The following OR10H1 variants were observed in gnomAD, a reference collection of about 807,000 sequenced individuals.
The protein encoded by OR10H1 is olfactory receptor 10H1.
A neutral mutation model predicts 13.1 loss-of-function variants in OR10H1; 12 were observed. The observed-to-expected ratio is 0.92, with a 90% CI of 0.59 to 1.48. OR10H1 has a LOEUF of 1.48. Among genes scored for constraint, OR10H1 ranks in the 40% most tolerant of loss-of-function variants. The probability of loss-of-function intolerance (pLI) is 0.00; values close to 1 mark genes in which losing one functional copy is unlikely to be tolerated. For synonymous variants in OR10H1, 168 were observed against 175.6 expected, an observed-to-expected ratio of 0.96 and a Z score of 0.34; for missense variants, 363 against 413.1, an observed-to-expected ratio of 0.88 and a Z score of 1.05.
At position 15,804,755 on chromosome 19, in the gene OR10H1, G is replaced by A. The variant is rs2088886123; in HGVS notation, c.*2326C>T. On this transcript the variant is annotated 3_prime_UTR_variant, in exon 4 of 4. Coordinates refer to ENST00000641419, the MANE Select transcript of OR10H1 (RefSeq NM_013940.4). The stretch of plus-strand genomic sequence containing the variant: ...ATATACCCAGTAATGGGATGGCTGG[G>A]TCAAATGATATTTCTAGTTCTAGAT... The A allele has an allele frequency of 1.3e-5, 2 of 152,152 alleles. No homozygotes were observed. Among genetic ancestry groups the A allele is most frequent in the African/African-American group, 4.8e-5 (2 of 41,430 alleles). The allele number at this position is 152,152 out of a possible 1,614,324, so 9.4% of individuals were successfully genotyped here.
rs758904258 is a variant in OR10H1, at chr19:15,807,800, G to A, written c.238C>T (p.Arg80Cys). 62 of 1,606,382 alleles carry A rather than the reference G, an allele frequency of 3.9e-5. No individual in the cohort carries two copies. In the South Asian group the frequency reaches 5.9e-4, roughly 15 times the overall value. ...GTGGACAGCAGGTCGGCCAGCATGC[G>A]CGGGATGATGGCCACGGTGTAGAGG... ...EILYTVAIIP[R>C]MLADLLSTQR... The change falls in exon 4 of 4, where the codon CGC becomes TGC. Residue 80 changes from arginine (R) to cysteine (C), a missense_variant. By Grantham distance (180) the Arg-to-Cys change is radical. Transcript: ENST00000641419.
rs1479498283 is a variant in OR10H1, at chr19:15,804,577, G to A, written c.*2504C>T. The A allele has an allele frequency of 6.6e-6, 1 of 152,094 alleles. No individual in the cohort carries two copies. The allele number at this position is 152,094 out of a possible 1,614,324, so 9.4% of individuals were successfully genotyped here. A position where few individuals can be genotyped will look rare whatever the true frequency, so the allele number is the denominator to read the frequency against. On this transcript the variant is annotated 3_prime_UTR_variant, in exon 4 of 4. Coordinates refer to ENST00000641419, the MANE Select transcript of OR10H1 (RefSeq NM_013940.4). Reference sequence around the variant, plus strand: ...ACTCATCATTTTTTATGGCTGCATAGTATTCCATGGTGTATATGTGCCACA... The same window carrying A: ...ACTCATCATTTTTTATGGCTGCATAATATTCCATGGTGTATATGTGCCACA...
rs1375373865 is a variant in OR10H1, at chr19:15,812,972, G to C, written c.-777-94C>G. 2.0e-5 allele frequency: 3 copies of C among 152,122 alleles called. No homozygotes were observed. In the South Asian group the frequency reaches 6.2e-4, roughly 32 times the overall value. 9.4% of individuals were successfully genotyped at this position (152,122 alleles called of 1,614,324 possible). On this transcript the variant is annotated intron_variant, in intron 1 of 3. Transcript: ENST00000641419. ...AGGGATGAATGGGTGGGGCACAGAG[G>C]GTTTTTAAGACAGTGTAACTATGTT... is the stretch of plus-strand genomic sequence containing the variant.
At chr19:15,809,417 A>G (rs1460804570) in intron 2 of OR10H1, among the ~76,000 whole-genome samples, 1 of 152,008 alleles carries the variant, frequency 6.6e-6, no homozygotes, top group East Asian at 1.9e-4. Context: ...CAGCCTCCCA[A>G]GTAGCTGGGA....
intron 2 of OR10H1, among the ~76,000 whole-genome samples, chr19:15,811,899 C>A (rs548639422): frequency 3.3e-5 from 5 of 152,152 alleles, no homozygotes; most frequent in Non-Finnish European, 7.3e-5. Context: ...ATCCCTGGAA[C>A]CTGATTGTGA....
At chr19:15,814,472 TGTGTGTGTGAGAGAGAGAGA>T (rs1442856560) in intron 1 of OR10H1, among the ~76,000 whole-genome samples, 1,362 of 48,104 alleles carry the variant, frequency 0.028, 10 homozygotes, top group Non-Finnish European at 0.04. Flanking sequence ...TGTGTGTGTG[TGTGTGTGTGAGAGAGAGAGA>T]GAGAGAGAGA....
chr19:15,807,014 A>G lies in OR10H1; in HGVS notation c.*67T>C. The G allele has an allele frequency of 2.1e-6, 3 of 1,453,632 alleles. No homozygotes were observed. Among genetic ancestry groups the G allele is most frequent in the South Asian group, 2.6e-5 (2 of 77,958 alleles). 90.0% of individuals were successfully genotyped at this position (1,453,632 alleles called of 1,614,324 possible). A position where few individuals can be genotyped will look rare whatever the true frequency, so the allele number is the denominator to read the frequency against. On this transcript the variant is annotated 3_prime_UTR_variant, in exon 4 of 4. Coordinates refer to ENST00000641419, the MANE Select transcript of OR10H1 (RefSeq NM_013940.4). ...AGTGCTGGGATTACAGGCATGAGTC[A>G]CCACGGAACGTAATTTTTAACAATA...
chr19:15,811,692 G>C (rs916959), intron 2 of OR10H1, among the ~76,000 whole-genome samples: 58,887 of 151,888 alleles, frequency 0.39, 12,217 homozygotes, highest in African/African-American at 0.51. Flanking sequence ...CTTCCATGCA[G>C]TCCTCCTGGA....
intron 2 of OR10H1, among the ~76,000 whole-genome samples, chr19:15,810,124 G>A (rs147902849): frequency 0.017 from 2,592 of 151,964 alleles, 74 homozygotes; most frequent in African/African-American, 0.059. Context: ...GTGAAACCCT[G>A]CCTCTACTAA....
At chr19:15,811,094 C>T (rs1037637051) in intron 2 of OR10H1, among the ~76,000 whole-genome samples, 21 of 152,110 alleles carry the variant, frequency 1.4e-4, no homozygotes, top group Non-Finnish European at 2.8e-4. Flanking sequence ...AGGCTGCATT[C>T]TCCAAACATC....
chr19:15,807,499 T>G lies in OR10H1; in HGVS notation c.539A>C (p.His180Pro). The G allele has an allele frequency of 6.2e-7, 1 of 1,614,146 alleles. No individual in the cohort carries two copies. The part of the protein sequence containing the change: ...GHKEIHHFAC[H>P]VPPLLKLACG... ...GGCCAACTTCAACAGAGGTGGCACATGGCAAGCAAAATGGTGGATCTCCTT... is the reference window on the plus strand; with the variant it reads ...GGCCAACTTCAACAGAGGTGGCACAGGGCAAGCAAAATGGTGGATCTCCTT... Residue 180 changes from histidine to proline, a missense_variant, in exon 4 of 4, where the codon CAT (histidine) becomes CCT (proline). Around this residue, in one of 3 missense-constraint regions of OR10H1, gnomAD observed 318 missense variants for 366.6 expected, o/e 0.87. Coordinates refer to ENST00000641419, the MANE Select transcript of OR10H1 (RefSeq NM_013940.4).
At position 15,812,898 on chromosome 19, in the gene OR10H1, G is replaced by A. The variant is rs2088942664; in HGVS notation, c.-777-20C>T. The stretch of plus-strand genomic sequence containing the variant: ...GTCATTCTGGAAAAATCAAAACCAT[G>A]GAGACAGCAAAAGATCAGTGGCTTC... On this transcript the variant is annotated intron_variant, in intron 1 of 3. Transcript: ENST00000641419. 6.6e-6 allele frequency: 1 copy of A among 152,158 alleles called. No individual in the cohort carries two copies. The highest frequency in any genetic ancestry group is 2.1e-4 in the South Asian group (1 of 4,824). The allele number at this position is 152,158 out of a possible 1,614,324, so 9.4% of individuals were successfully genotyped here. A position where few individuals can be genotyped will look rare whatever the true frequency, so the allele number is the denominator to read the frequency against.
chr19:15,809,839 G>T (rs1402004199), intron 2 of OR10H1, among the ~76,000 whole-genome samples: 2 of 151,470 alleles, frequency 1.3e-5, no homozygotes, highest in Admixed American at 6.6e-5. Context: ...AAAAGACAGG[G>T]TCTGGCTCTG....
In OR10H1 at chr19:15,812,439, A is replaced by AG. The variant is rs2144944622; in HGVS notation, c.-339dup. The AG allele has an allele frequency of 6.3e-5, 9 of 143,666 alleles. No individual in the cohort carries two copies. The highest frequency in any genetic ancestry group is 1.4e-4 in the Admixed American group (2 of 14,328). The allele number at this position is 143,666 out of a possible 1,614,324, so 8.9% of individuals were successfully genotyped here. A position where few individuals can be genotyped will look rare whatever the true frequency, so the allele number is the denominator to read the frequency against. ...GAGGAAGAAAGAGAGGGAGGGAGGG[A>AG]GGAAGGAAAGAAGGATAAAAGGAAG... On this transcript the variant is annotated 5_prime_UTR_variant, in exon 2 of 4. An upstream open reading frame in the 5' UTR loses its in-frame stop. Transcript: ENST00000641419.
At position 15,806,667 on chromosome 19, in the gene OR10H1, CA is replaced by C; in HGVS notation, c.*413del. 5.9e-6 allele frequency: 1 copy of C among 169,930 alleles called. No homozygotes were observed. Among genetic ancestry groups the C allele is most frequent in the Non-Finnish European group, 1.3e-5 (1 of 78,538 alleles). The allele number at this position is 169,930 out of a possible 1,614,324, so 10.5% of individuals were successfully genotyped here. A position where few individuals can be genotyped will look rare whatever the true frequency, so the allele number is the denominator to read the frequency against. On this transcript the variant is annotated 3_prime_UTR_variant, in exon 4 of 4. Transcript: ENST00000641419. ...AAGCAATCCTCCTGCCTTGGCATCC[CA>C]AGGTGCTGGAATTATAAGTGTGAGC...
At chr19:15,814,787 G>A (rs115629762) in intron 1 of OR10H1, among the ~76,000 whole-genome samples, 1,602 of 152,266 alleles carry the variant, frequency 0.011, 21 homozygotes, top group African/African-American at 0.036. Context: ...TTGCAGGCAT[G>A]AGCCACTGCA....
intron 2 of OR10H1, among the ~76,000 whole-genome samples, chr19:15,811,666 A>G (rs1414023960): frequency 6.6e-6 from 1 of 152,074 alleles, no homozygotes; most frequent in African/African-American, 2.4e-5. Context: ...GTTAAGATTC[A>G]GCTTAGATGT....
rs748948173 is a variant in OR10H1, at chr19:15,806,088, G to C, written c.*993C>G. ...AATCTGAGTTGTAGCTACCTGGTGC[G>C]GCACTCATAGAGAGTGGGGCATGAA... On this transcript the variant is annotated 3_prime_UTR_variant, in exon 4 of 4. Transcript: ENST00000641419. 1.3e-5 allele frequency: 2 copies of C among 152,090 alleles called. No homozygotes were observed. The highest frequency in any genetic ancestry group is 2.9e-5 in the Non-Finnish European group (2 of 68,028). 9.4% of individuals were successfully genotyped at this position (152,090 alleles called of 1,614,324 possible). A position where few individuals can be genotyped will look rare whatever the true frequency, so the allele number is the denominator to read the frequency against.
intron 1 of OR10H1, among the ~76,000 whole-genome samples, chr19:15,814,201 G>T (rs2088950713): frequency 6.6e-6 from 1 of 152,072 alleles, no homozygotes; most frequent in Admixed American, 6.5e-5. Context: ...ACGACAATCA[G>T]AAATGTCCTT....
Sources: gnomAD v4.1 joint callset for allele counts (sites outside exome capture counted in the v4.1 genomes callset) on GRCh38, gnomAD v4.1.1 for gene constraint, gnomAD v4.1.1 regional missense constraint, MANE v1.5 for transcripts, NCBI Gene and HGNC (gene_info 2026-07-23, HGNC 2026-07-21) for gene names.